Variants in PAQR5 observed in about 807,000 individuals in gnomAD.
The protein encoded by PAQR5 is membrane progestin receptor gamma.
A neutral mutation model predicts 34.5 loss-of-function variants in PAQR5; 20 were observed. The ratio of observed to expected loss-of-function variants is 0.58; its 90% CI spans 0.41 to 0.84. PAQR5 has a LOEUF of 0.84. PAQR5 is among the 40% of genes least tolerant of loss of function. PAQR5 has a pLI of 0.00. For synonymous variants in PAQR5, 131 were observed against 155.6 expected, an observed-to-expected ratio of 0.84 and a Z score of 1.18; for missense variants, 378 against 412.7, an observed-to-expected ratio of 0.92 and a Z score of 0.73.
Position 69,385,765 on chromosome 15 carries a change from C to T in PAQR5, c.385+883C>T, listed in dbSNP as rs114846992. Among the ~76,000 whole-genome samples the T allele has an allele frequency of 0.015, 2,304 of 152,074 alleles. 65 individuals are homozygous for T. The highest frequency in any genetic ancestry group is 0.053 in the African/African-American group (2,179 of 41,440). ...GTTCACACTCACACAAACACACACT[C>T]ATGCACTGACACACACTGACACACA... On this transcript the variant is annotated intron_variant, in intron 5 of 8. Coordinates refer to ENST00000395407, the MANE Select transcript of PAQR5 (RefSeq NM_017705.4). This position sits in a 1 kb window ranked among gnomAD's most constrained non-coding sequence, Gnocchi z 4.7.
intron 4 of PAQR5, among the ~76,000 whole-genome samples, chr15:69,382,643 C>A (rs2055919681): frequency 2.7e-5 from 2 of 74,722 alleles, no homozygotes; most frequent in Admixed American, 1.5e-4. Flanking sequence ...GACTCTGTCT[C>A]AAAAAAAAAA....
At chr15:69,324,138 A>AAAG (rs928306548) in intron 1 of PAQR5, among the ~76,000 whole-genome samples, 1 of 151,484 alleles carries the variant, frequency 6.6e-6, no homozygotes, top group Non-Finnish European at 1.5e-5. Flanking sequence ...GCAAAAAAAA[A>AAAG]AAAAAAGAAA....
Position 69,397,454 on chromosome 15 carries a change from C to T in PAQR5, c.513-14C>T. 1.3e-6 allele frequency: 2 copies of T among 1,581,694 alleles called. No homozygotes were observed. Among genetic ancestry groups the T allele is most frequent in the Non-Finnish European group, 1.7e-6 (2 of 1,150,232 alleles). ...TTCATTCCATTTCCTCCCCACTTTC[C>T]TTCCCTGATTTAGGTTTCTTGAAAT... On this transcript the variant is annotated splice_polypyrimidine_tract_variant and intron_variant, in intron 6 of 8. Transcript: ENST00000395407.
chr15:69,311,722 A>G (rs2053837985), intron 1 of PAQR5, among the ~76,000 whole-genome samples: 1 of 152,148 alleles, frequency 6.6e-6, no homozygotes, highest in South Asian at 2.1e-4. Context: ...AAAGGATCTG[A>G]CCGAGGCCTC....
In PAQR5 at chr15:69,358,633, A is replaced by ATT. The variant is rs71149910; in HGVS notation, c.-115-1318_-115-1317dup. 1.2e-4 allele frequency among the ~76,000 whole-genome samples: 10 copies of ATT among 84,466 alleles called. 2 individuals carry two copies. Among genetic ancestry groups the ATT allele is most frequent in the African/African-American group, 9.6e-5 (2 of 20,882 alleles). The allele number at this position is 84,466 out of a possible 152,430, so 55.4% of individuals were successfully genotyped here. Reference sequence around the variant, plus strand: ...GCCCTTTTCTTTTCAGCTCTGTGGCATTTTTTTTTTTTTTTTGAGACAGAT... The same window carrying ATT: ...GCCCTTTTCTTTTCAGCTCTGTGGCATTTTTTTTTTTTTTTTTTGAGACAGAT... On this transcript the variant is annotated intron_variant, in intron 2 of 8. Transcript: ENST00000395407.
intron 8 of PAQR5, 25 bp downstream of exon 8, chr15:69,400,140 T>A (rs747790095): frequency 6.2e-7 from 1 of 1,602,752 alleles, no homozygotes; most frequent in South Asian, 1.1e-5. Flanking sequence ...GCCCTGCTGC[T>A]CTGCTCATTG....
At chr15:69,403,017 A>G (rs1010678914) in intron 8 of PAQR5, among the ~76,000 whole-genome samples, 10 of 152,264 alleles carry the variant, frequency 6.6e-5, no homozygotes, top group African/African-American at 2.4e-4. Context: ...GGCAGTAGGG[A>G]GAGGTCCACT....
chr15:69,341,463 C>T (rs1471749886), intron 2 of PAQR5, among the ~76,000 whole-genome samples: 2 of 148,808 alleles, frequency 1.3e-5, no homozygotes, highest in Admixed American at 6.8e-5. Context: ...CTCAAGTAGT[C>T]CCCCCACCTC....
Position 69,333,786 on chromosome 15 carries a change from C to A in PAQR5, c.-276-3555C>A, listed in dbSNP as rs375707911. ...TCCCGGCCCTGCTCCTCCAAGGGCT[C>A]CACCCTAAAGCCAGTCACCCAATTA... On this transcript the variant is annotated intron_variant, in intron 1 of 8. Transcript: ENST00000395407. Among the ~76,000 whole-genome samples the A allele has an allele frequency of 1.2e-4, 19 of 152,194 alleles. No homozygotes were observed. In the South Asian group the frequency reaches 3.9e-3, roughly 32 times the overall value.
At chr15:69,350,286 C>A (rs879731736) in intron 2 of PAQR5, among the ~76,000 whole-genome samples, 1 of 152,178 alleles carries the variant, frequency 6.6e-6, no homozygotes, top group African/African-American at 2.4e-5. Flanking sequence ...AAGTCTACTA[C>A]GATCTTACTT....
intron 1 of PAQR5, among the ~76,000 whole-genome samples, chr15:69,316,816 G>A (rs893206611): frequency 6.6e-6 from 1 of 152,056 alleles, no homozygotes; most frequent in South Asian, 2.1e-4. Context: ...TGCCCATAAG[G>A]GGTTTATTTA....
At chr15:69,367,278 TC>T (rs2055427688) in intron 3 of PAQR5, among the ~76,000 whole-genome samples, 1 of 152,226 alleles carries the variant, frequency 6.6e-6, no homozygotes, top group Admixed American at 6.5e-5. Context: ...TCTTTTTTTT[TC>T]TTTTCATATG....
intron 1 of PAQR5, among the ~76,000 whole-genome samples, chr15:69,308,193 A>G (rs866045335): frequency 1.3e-5 from 2 of 152,176 alleles, no homozygotes; most frequent in East Asian, 1.9e-4. Flanking sequence ...TGTCATATCA[A>G]TCCACACATT....
At chr15:69,375,835 T>G (rs1040572953) in intron 3 of PAQR5, among the ~76,000 whole-genome samples, 1 of 152,206 alleles carries the variant, frequency 6.6e-6, no homozygotes, top group East Asian at 1.9e-4. Flanking sequence ...GATCCTACTC[T>G]GCCTCTTCTC....
intron 6 of PAQR5, 96 bp from the exon 7 acceptor site, chr15:69,397,372 T>C (rs2056473390): frequency 2.4e-6 from 2 of 834,896 alleles, no homozygotes; most frequent in Non-Finnish European, 4.3e-6. Flanking sequence ...TTGTCCTCTG[T>C]TGATGACCAG....
In PAQR5 at chr15:69,313,521, C is replaced by CAAATAAATAAAT. The variant is rs963617204; in HGVS notation, c.-277+14477_-277+14488dup. On this transcript the variant is annotated intron_variant, in intron 1 of 8. Transcript: ENST00000395407. ...TCTCAAAAACAGCGGCAACAACAAC[C>CAAATAAATAAAT]AAATAAATAAATAAATAAATAAAGG... is the stretch of plus-strand genomic sequence containing the variant. Among the ~76,000 whole-genome samples, 50 of 151,884 alleles carry CAAATAAATAAAT rather than the reference C, an allele frequency of 3.3e-4. 1 individual carries two copies. The highest frequency in any genetic ancestry group is 1.2e-3 in the African/African-American group (49 of 41,410).
chr15:69,386,551 C>G (rs1364135798), intron 5 of PAQR5, among the ~76,000 whole-genome samples: 1 of 151,994 alleles, frequency 6.6e-6, no homozygotes. Context: ...CTCTCTTTCT[C>G]TGGTCCCTGT....
chr15:69,305,975 T>G (rs1200698170), intron 1 of PAQR5, among the ~76,000 whole-genome samples: 1 of 152,150 alleles, frequency 6.6e-6, no homozygotes, highest in Non-Finnish European at 1.5e-5. Context: ...CCAGACCTAT[T>G]GCTCTGGGGG....
intron 4 of PAQR5, 87 bp downstream of exon 4, chr15:69,380,097 C>T: frequency 6.9e-7 from 1 of 1,441,448 alleles, no homozygotes; most frequent in Non-Finnish European, 9.6e-7. Flanking sequence ...GTTGAGAGGG[C>T]TGAGATTCTG....
Sources: gnomAD v4.1 joint callset for allele counts (sites outside exome capture counted in the v4.1 genomes callset) on GRCh38, gnomAD v4.1.1 for gene constraint, Gnocchi (gnomAD v3.1) non-coding constraint, MANE v1.5 for transcripts, NCBI Gene and HGNC (gene_info 2026-07-23, HGNC 2026-07-21) for gene names.